Variants in STARD8 observed in about 807,000 individuals in gnomAD.
STARD8 encodes the protein StAR related lipid transfer domain containing 8, also known as stAR-related lipid transfer protein 8.
In STARD8, 25 loss-of-function variants were observed where a neutral mutation model predicts 69.4. The ratio of observed to expected loss-of-function variants is 0.36; its 90% CI spans 0.26 to 0.50. STARD8 has a LOEUF of 0.50. STARD8 is among the 20% of genes least tolerant of loss of function. STARD8 has a pLI of 0.96. For missense variants in STARD8, 921 were observed against 932.5 expected, an observed-to-expected ratio of 0.99 and a Z score of 0.16; for synonymous variants, 389 against 374.6, an observed-to-expected ratio of 1.04 and a Z score of -0.45.
chrX:68,718,849 T>C (rs1778366801), intron 6 of STARD8, among the ~76,000 whole-genome samples: 1 of 111,628 alleles, frequency 9.0e-6, no homozygotes, highest in Non-Finnish European at 1.9e-5. Flanking sequence ...CTCTCCTCTC[T>C]GGGCCTCAGT....
At position 68,715,378 on chromosome X, in the gene STARD8, A is replaced by G. The variant is rs761450952; in HGVS notation, c.233+3A>G. 2 of 1,198,617 alleles carry G rather than the reference A, an allele frequency of 1.7e-6. No homozygotes were observed. Among genetic ancestry groups the G allele is most frequent in the Admixed American group, 4.5e-5 (2 of 44,423 alleles). On this transcript the variant is annotated splice_donor_region_variant and intron_variant, in intron 4 of 14. Coordinates refer to ENST00000374599, the MANE Select transcript of STARD8 (RefSeq NM_001142503.3). ...GACTCTTTGGGGGCCCTGTGTAGGT[A>G]GGTGGGCTGAGGGCCAGGCCTGGGA...
rs1290424326 is a variant in STARD8, at chrX:68,717,689, G to C, written c.775G>C (p.Ala259Pro). 1 of 1,212,010 alleles carries C rather than the reference G, an allele frequency of 8.3e-7. No homozygotes were observed. Among genetic ancestry groups the C allele is most frequent in the African/African-American group, 1.7e-5 (1 of 57,917 alleles). ...CTTCCTCTCAGCTGGATTTTACAGGGCCAAGAACTGGGCCGCCACCTCAGC... is the reference window on the plus strand; with the variant it reads ...CTTCCTCTCAGCTGGATTTTACAGGCCCAAGAACTGGGCCGCCACCTCAGC... Reference protein sequence around the residue: ...RGFLSAGFYRAKNWAATSAGG... With the variant: ...RGFLSAGFYRPKNWAATSAGG... The change falls in exon 6 of 15, where the codon GCC becomes CCC. Residue 259 changes from alanine (A) to proline (P), a missense_variant. Ala to Pro is a conservative substitution (Grantham distance 27). Coordinates refer to ENST00000374599, the MANE Select transcript of STARD8 (RefSeq NM_001142503.3).
chrX:68,677,518 G>A, intron 2 of STARD8, among the ~76,000 whole-genome samples: 1 of 111,484 alleles, frequency 9.0e-6, no homozygotes, highest in Admixed American at 9.5e-5. Flanking sequence ...TGGTGATGCC[G>A]GGGGTATGGA....
In STARD8 at chrX:68,721,008, T is replaced by C. The variant is rs771632594; in HGVS notation, c.2134T>C (p.Tyr712His). Residue 712 changes from tyrosine (Y) to histidine (H), a missense_variant, in exon 9 of 15, where the codon TAC becomes CAC. Tyr to His is a moderately conservative substitution (Grantham distance 83). Coordinates refer to ENST00000374599, the MANE Select transcript of STARD8 (RefSeq NM_001142503.3). Reference sequence around the variant, plus strand: ...TGAGACCTCGCCTGACAATGTCTGCTACGAGGGCCAGTCAGCCTACGACGT... The same window carrying C: ...TGAGACCTCGCCTGACAATGTCTGCCACGAGGGCCAGTCAGCCTACGACGT... ...MNETSPDNVC[Y>H]EGQSAYDVAD... 8.3e-7 allele frequency: 1 copy of C among 1,211,875 alleles called. No homozygotes were observed. Among genetic ancestry groups the C allele is most frequent in the African/African-American group, 1.7e-5 (1 of 57,775 alleles).
In STARD8 at chrX:68,670,424, G is replaced by T. The variant is rs149081466; in HGVS notation, c.79+4892G>T. ...AAGGTGTTCTTTGGGATGGGGGGAA[G>T]GATTTCCAGGCCTGTGGAGGAGTGT... is the stretch of plus-strand genomic sequence containing the variant. On this transcript the variant is annotated intron_variant, in intron 2 of 14. Transcript: ENST00000374599. 5.6e-3 allele frequency among the ~76,000 whole-genome samples: 624 copies of T among 111,794 alleles called. 7 individuals carry two copies. Among genetic ancestry groups the T allele is most frequent in the African/African-American group, 0.019 (598 of 30,708 alleles).
Position 68,718,109 on chromosome X carries a change from C to A in STARD8, c.1195C>A (p.Gln399Lys). The change falls in exon 6 of 15, where the codon CAG (glutamine) becomes AAG (lysine). Residue 399 changes from glutamine (Q) to lysine (K), a missense_variant. Coordinates refer to ENST00000374599, the MANE Select transcript of STARD8 (RefSeq NM_001142503.3). Reference protein sequence around the residue: ...DDILQHVWGLQQRVELWSRAM... With the variant: ...DDILQHVWGLKQRVELWSRAM... ...CATCCTCCAGCACGTGTGGGGGCTA[C>A]AGCAACGAGTAGAGCTGTGGTCTCG... 1.7e-6 allele frequency: 2 copies of A among 1,211,779 alleles called. No homozygotes were observed. Among genetic ancestry groups the A allele is most frequent in the Non-Finnish European group, 2.2e-6 (2 of 895,467 alleles).
chrX:68,668,337 T>C (rs953173443), intron 2 of STARD8, among the ~76,000 whole-genome samples: 5 of 102,773 alleles, frequency 4.9e-5, no homozygotes, highest in Non-Finnish European at 9.8e-5. Flanking sequence ...CCTTCCTTTT[T>C]TTTTCTATGA....
chrX:68,686,912 T>C (rs2079837270), intron 2 of STARD8, among the ~76,000 whole-genome samples: 1 of 110,935 alleles, frequency 9.0e-6, no homozygotes, highest in African/African-American at 3.3e-5. Flanking sequence ...TAACACGTGG[T>C]AGGCGTTCAG....
rs182709806 is a variant in STARD8 at position 68,658,150 on chromosome X, T to C, written c.46-7349T>C. 8.4e-3 allele frequency among the ~76,000 whole-genome samples: 944 copies of C among 111,839 alleles called. 13 individuals carry two copies. The highest frequency in any genetic ancestry group is 0.029 in the African/African-American group (898 of 30,766). ...TGATCTTAGCCAAGAGGTCAGGAAGTGATACTAGCTAATATTTGTAGAGCA... is the reference window on the plus strand; with the variant it reads ...TGATCTTAGCCAAGAGGTCAGGAAGCGATACTAGCTAATATTTGTAGAGCA... On this transcript the variant is annotated intron_variant, in intron 1 of 14. Transcript: ENST00000374599.
In STARD8 at chrX:68,714,452, G is replaced by C. The variant is rs188928043; in HGVS notation, c.152-842G>C. Among the ~76,000 whole-genome samples, 25 of 111,914 alleles carry C rather than the reference G, an allele frequency of 2.2e-4. No individual in the cohort carries two copies. The East Asian group carries it at 2.3e-3, about 10-fold the overall frequency. On this transcript the variant is annotated intron_variant, in intron 3 of 14. Transcript: ENST00000374599. ...TTCTCATCTTTCAGGACTCAGCTCG[G>C]ATGTCACTGCTTTCAGAAAGCTCTC...
chrX:68,673,673 G>A (rs2079744635), intron 2 of STARD8, among the ~76,000 whole-genome samples: 1 of 112,218 alleles, frequency 8.9e-6, no homozygotes, highest in African/African-American at 3.2e-5. Context: ...ATTTTGGGGT[G>A]CCAAAGAAAC....
rs754444530 is a variant in STARD8 at position 68,718,363 on chromosome X, GGCCCCGGCCCCA to G, written c.1461_1472del (p.Pro491_Ala494del). The G allele has an allele frequency of 6.4e-5, 77 of 1,204,588 alleles. No homozygotes were observed. In the Admixed American group the frequency reaches 1.2e-3, roughly 19 times the overall value. On this transcript the variant is annotated inframe_deletion, in exon 6 of 15. Coordinates refer to ENST00000374599, the MANE Select transcript of STARD8 (RefSeq NM_001142503.3). ...AACCAGTGGCACAGGAAGAGGCTGA[GGCCCCGGCCCCA>G]GCCCCGGCCCCGGCCCCAGCCCAGG...
intron 2 of STARD8, among the ~76,000 whole-genome samples, chrX:68,690,895 G>A (rs939124022): frequency 1.8e-5 from 2 of 112,277 alleles, no homozygotes; most frequent in African/African-American, 6.5e-5. Context: ...ACTTAGCCTA[G>A]TGGATCTGCT....
chrX:68,661,138 TCTC>T (rs1486645141), intron 1 of STARD8, among the ~76,000 whole-genome samples: 1 of 111,171 alleles, frequency 9.0e-6, no homozygotes, highest in African/African-American at 3.3e-5. Context: ...TCTCCAGACA[TCTC>T]CTCAGATACC....
At chrX:68,664,325 C>A (rs1256200913) in intron 1 of STARD8, among the ~76,000 whole-genome samples, 1 of 111,751 alleles carries the variant, frequency 8.9e-6, no homozygotes, top group Non-Finnish European at 1.9e-5. Flanking sequence ...AGCCTCCTAA[C>A]AGATCTCCCC....
chrX:68,656,028 T>C (rs763351917), intron 1 of STARD8: 13 of 110,397 alleles, frequency 1.2e-4, no homozygotes, highest in Non-Finnish European at 1.9e-4. Flanking sequence ...TGAGTGGAGG[T>C]GTTGGGAATG....
intron 1 of STARD8, among the ~76,000 whole-genome samples, chrX:68,659,967 T>C (rs1358168518): frequency 9.0e-6 from 1 of 110,737 alleles, no homozygotes; most frequent in East Asian, 2.9e-4. Flanking sequence ...CAGCATTCCT[T>C]AGGCTATAGG....
intron 1 of STARD8, among the ~76,000 whole-genome samples, chrX:68,664,528 C>T (rs992920950): frequency 6.3e-5 from 7 of 111,920 alleles, no homozygotes; most frequent in East Asian, 5.6e-4. Flanking sequence ...CTTCACCATC[C>T]GCCTGAAATG....
intron 2 of STARD8, among the ~76,000 whole-genome samples, chrX:68,704,630 C>G (rs1296123882): frequency 1.8e-5 from 2 of 111,747 alleles, no homozygotes; most frequent in Non-Finnish European, 3.8e-5. Flanking sequence ...GCAAGGATGA[C>G]TTGAGGTTTA....
Sources: allele counts gnomAD v4.1 joint callset (sites outside exome capture counted in the v4.1 genomes callset), GRCh38; gene constraint gnomAD v4.1.1; transcripts MANE v1.5; gene names NCBI Gene and HGNC (gene_info 2026-07-23, HGNC 2026-07-21).